LRRK1: variants seen among roughly 807,000 people sequenced by gnomAD.
LRRK1 encodes the protein leucine-rich repeat serine/threonine-protein kinase 1.
In LRRK1, 113 loss-of-function variants were observed where a neutral mutation model predicts 209.1. The ratio of observed to expected loss-of-function variants is 0.54; its 90% confidence interval spans 0.46 to 0.63. The LOEUF (loss-of-function observed/expected upper bound fraction) is 0.63. Among genes scored for constraint, LRRK1 ranks in the 30% least tolerant of loss-of-function variants. The probability of loss-of-function intolerance (pLI) is 0.00; values close to 1 mark genes in which losing one functional copy is unlikely to be tolerated. For missense variants in LRRK1, 2,284 were observed against 2,632.2 expected (o/e 0.87, Z 2.89); for synonymous variants, 1,144 against 1,099.7 (o/e 1.04, Z -0.80).
chr15:101,064,596 CCT>C (rs1283316659), intron 31 of LRRK1: 1 of 151,212 alleles, frequency 6.6e-6, no homozygotes, highest in African/African-American at 2.5e-5. Context: ...TGGGGGGCAC[CCT>C]GAGGACCCTG....
rs536951889 is a variant in LRRK1 at position 100,976,574 on chromosome 15, G to A, written c.261+2607G>A. Among the ~76,000 whole-genome samples, 42 of 152,298 alleles carry A rather than the reference G, an allele frequency of 2.8e-4. 1 individual carries two copies. The South Asian group carries it at 7.9e-3, about 29-fold the overall frequency. ...TACACACCTTTATTCAATGCTACTA[G>A]GAAGGTACTAGGAATGTGTGCAGCC... On this transcript the variant is annotated intron_variant, in intron 3 of 33. Transcript: ENST00000388948.
rs1230119023 is a variant in LRRK1 at position 101,072,875 on chromosome 15, T to C, written c.*4027T>C. 6.5e-6 allele frequency: 1 copy of C among 152,724 alleles called. No homozygotes were observed. The highest frequency in any genetic ancestry group is 1.5e-5 in the Non-Finnish European group (1 of 68,440). 9.5% of individuals were successfully genotyped at this position (152,724 alleles called of 1,614,324 possible). On this transcript the variant is annotated 3_prime_UTR_variant, in exon 34 of 34. Transcript: ENST00000388948. ...CTGCGCCCAGGTGAAATAAACAGCC[T>C]TGTTGCTCACACAAAGCCTGTTTGG...
At chr15:101,039,377 C>G (rs1475866130) in intron 20 of LRRK1, among the ~76,000 whole-genome samples, 1 of 152,120 alleles carries the variant, frequency 6.6e-6, no homozygotes, top group Non-Finnish European at 1.5e-5. Context: ...GGGTAAATGA[C>G]ATATCTTCTA....
chr15:101,010,504 C>A lies in LRRK1; in HGVS notation c.1044C>A (p.Phe348Leu). Residue 348 changes from phenylalanine to leucine, a missense_variant, in exon 8 of 34, where the codon TTC becomes TTA. Phe to Leu is a conservative substitution (Grantham distance 22). Coordinates refer to ENST00000388948, the MANE Select transcript of LRRK1 (RefSeq NM_024652.6). ...SNKLSHLPPG[F>L]LHLSKLQKLT... ...AGTTGTCCCACCTCCCTCCTGGATTCTTGCACCTCTCAAAACTTCAAAAAC... is the reference window on the plus strand; with the variant it reads ...AGTTGTCCCACCTCCCTCCTGGATTATTGCACCTCTCAAAACTTCAAAAAC... 1 of 1,612,778 alleles carries A rather than the reference C, an allele frequency of 6.2e-7. No homozygotes were observed. The highest frequency in any genetic ancestry group is 1.1e-5 in the South Asian group (1 of 90,222).
At chr15:100,947,002 G>A (rs2042551606) in intron 2 of LRRK1, among the ~76,000 whole-genome samples, 1 of 151,536 alleles carries the variant, frequency 6.6e-6, no homozygotes, top group African/African-American at 2.4e-5. Flanking sequence ...ACGGAGTCCT[G>A]CTCTGTCACC....
chr15:100,951,873 A>C (rs1023719871), intron 2 of LRRK1, among the ~76,000 whole-genome samples: 1 of 151,798 alleles, frequency 6.6e-6, no homozygotes, highest in African/African-American at 2.4e-5. Context: ...AATGGCTTGA[A>C]CGCGGGAGGC....
At chr15:100,948,361 G>A (rs779606551) in intron 2 of LRRK1, among the ~76,000 whole-genome samples, 8 of 152,164 alleles carry the variant, frequency 5.3e-5, no homozygotes, top group East Asian at 1.9e-4. Flanking sequence ...CGTCCCCGCC[G>A]TTTGAATGTG....
chr15:100,956,450 T>TTTTTCTTTTTTTTTTC (rs2042760217), intron 2 of LRRK1, among the ~76,000 whole-genome samples: 1 of 64,656 alleles, frequency 1.5e-5, no homozygotes, highest in Non-Finnish European at 2.7e-5. Context: ...TTTCCTTTTT[T>TTTTTCTTTTTTTTTTC]TTTTCTTTTT....
Position 101,037,898 on chromosome 15 carries a change from T to C in LRRK1, c.2964-8083T>C, listed in dbSNP as rs548580182. On this transcript the variant is annotated intron_variant, in intron 20 of 33. Transcript: ENST00000388948. ...CTACCCAGAGGAAAAGAAGTCATTA[T>C]ACAAAAAAGATACTTGCACACACAT... Among the ~76,000 whole-genome samples the C allele has an allele frequency of 7.2e-5, 11 of 152,338 alleles. No individual in the cohort carries two copies. In the South Asian group the frequency reaches 2.3e-3, roughly 32 times the overall value.
Position 100,931,921 on chromosome 15 carries a change from T to A in LRRK1, c.97+7192T>A, listed in dbSNP as rs72765015. Among the ~76,000 whole-genome samples, 532 of 152,334 alleles carry A rather than the reference T, an allele frequency of 3.5e-3. 2 individuals carry two copies. The highest frequency in any genetic ancestry group is 0.014 in the Middle Eastern group (4 of 294). On this transcript the variant is annotated intron_variant, in intron 2 of 33. Coordinates refer to ENST00000388948, the MANE Select transcript of LRRK1 (RefSeq NM_024652.6). ...TGACATGATAAGAGAAAGCCACAGT[T>A]ATTCTTGGCCCCCTTTCCATCATGC...
chr15:101,015,286 C>T (rs1342560012), intron 11 of LRRK1, 40 bp from the exon 12 acceptor site: 7 of 1,482,026 alleles, frequency 4.7e-6, no homozygotes, highest in East Asian at 2.3e-5. Context: ...ATGCTTTTGT[C>T]GTGCTGTCCT....
At chr15:100,997,687 A>G (rs915025073) in intron 6 of LRRK1, among the ~76,000 whole-genome samples, 4 of 152,218 alleles carry the variant, frequency 2.6e-5, no homozygotes, top group Non-Finnish European at 4.4e-5. Flanking sequence ...GGCACTGTGA[A>G]TTGGTTCCAT....
intron 2 of LRRK1, among the ~76,000 whole-genome samples, chr15:100,955,261 T>A (rs2042729887): frequency 6.6e-6 from 1 of 152,200 alleles, no homozygotes; most frequent in Non-Finnish European, 1.5e-5. Flanking sequence ...TCTGTAGCTA[T>A]TGTAAAAGGG....
intron 2 of LRRK1, among the ~76,000 whole-genome samples, chr15:100,972,826 G>C (rs1442576851): frequency 6.6e-6 from 1 of 151,952 alleles, no homozygotes; most frequent in Non-Finnish European, 1.5e-5. Flanking sequence ...CAGTCTTTCC[G>C]TAATACCTAT....
Position 101,026,082 on chromosome 15 carries a change from T to A in LRRK1, c.2350T>A (p.Ser784Thr), listed in dbSNP as rs759855609. Residue 784 changes from serine (S) to threonine (T), a missense_variant, in exon 17 of 34, where the codon TCC (serine) becomes ACC (threonine). By Grantham distance (58) the Ser-to-Thr change is moderately conservative. Transcript: ENST00000388948. ...TGCCTATGTGCTGGCACTCTGCCGC[T>A]CCCCCTCCGGCTCCAGGGCCACAGG... ...LRAYVLALCR[S>T]PSGSRATGFP... 1.4e-5 allele frequency: 23 copies of A among 1,613,996 alleles called. No individual in the cohort carries two copies. The highest frequency in any genetic ancestry group is 1.8e-5 in the Non-Finnish European group (21 of 1,179,984).
chr15:101,018,379 A>T (rs1215907693), intron 12 of LRRK1, among the ~76,000 whole-genome samples: 1 of 152,210 alleles, frequency 6.6e-6, no homozygotes, highest in East Asian at 1.9e-4. Flanking sequence ...TTGAGTCCAG[A>T]CATAGGGATT....
At chr15:100,959,348 G>A (rs970189582) in intron 2 of LRRK1, among the ~76,000 whole-genome samples, 4 of 152,226 alleles carry the variant, frequency 2.6e-5, no homozygotes, top group African/African-American at 9.6e-5. Flanking sequence ...GGGCAGAGCA[G>A]GAGGCTGGCA....
In LRRK1 at chr15:101,065,987, C is replaced by T. The variant is rs1411209894; in HGVS notation, c.5550C>T (p.Arg1850=). Residue 1850 remains arginine, a synonymous_variant, in exon 32 of 34, where the codon CGC becomes CGT. Coordinates refer to ENST00000388948, the MANE Select transcript of LRRK1 (RefSeq NM_024652.6). ...SMSSYSSSPP[R]QAARSPSSLP... is the part of the protein sequence containing the mutation. ...CCTCCTACTCCTCATCCCCACCCCG[C>T]CAGGCTGCCAGGTCCCCCTCAAGCC... 1 of 1,613,994 alleles carries T rather than the reference C, an allele frequency of 6.2e-7. No homozygotes were observed. The highest frequency in any genetic ancestry group is 1.3e-5 in the African/African-American group (1 of 74,916).
intron 6 of LRRK1, among the ~76,000 whole-genome samples, chr15:101,001,811 C>G (rs1048472586): frequency 6.6e-6 from 1 of 152,178 alleles, no homozygotes; most frequent in Non-Finnish European, 1.5e-5. Flanking sequence ...GATTCTTACT[C>G]ATGAGCCATA....
Sources: allele counts gnomAD v4.1 joint callset (sites outside exome capture counted in the v4.1 genomes callset), GRCh38; gene constraint gnomAD v4.1.1; transcripts MANE v1.5; gene names NCBI Gene and HGNC (gene_info 2026-07-23, HGNC 2026-07-21).